SLC35F1: variants seen among roughly 807,000 people sequenced by gnomAD.
The protein encoded by SLC35F1 is solute carrier family 35 member F1.
SLC35F1 carries 14 observed loss-of-function variants against 48.7 expected under a neutral mutation model. That is an observed-to-expected ratio of 0.29 (90% CI 0.19 to 0.45). The LOEUF is 0.45. SLC35F1 is among the 20% of genes least tolerant of loss of function. The pLI is 1.00. For missense variants in SLC35F1, 404 were observed against 500.0 expected (o/e 0.81, Z 1.83); for synonymous variants, 190 against 202.2 (o/e 0.94, Z 0.51).
At chr6:118,212,234 A>G (rs1775009048) in intron 2 of SLC35F1, among the ~76,000 whole-genome samples, 1 of 152,234 alleles carries the variant, frequency 6.6e-6, no homozygotes, top group Non-Finnish European at 1.5e-5. Flanking sequence ...TGCATCTTGC[A>G]TCTTAAAAAG....
At chr6:118,269,034 CA>C (rs1775817640) in intron 4 of SLC35F1, among the ~76,000 whole-genome samples, 2 of 152,102 alleles carry the variant, frequency 1.3e-5, no homozygotes. Context: ...TCATCTTGGC[CA>C]TCATCTTGCA....
At chr6:117,933,872 T>G (rs1776132696) in intron 1 of SLC35F1, among the ~76,000 whole-genome samples, 1 of 152,066 alleles carries the variant, frequency 6.6e-6, no homozygotes, top group South Asian at 2.1e-4. Flanking sequence ...TAGAGCTCAG[T>G]GCTCACTGCT....
chr6:118,241,120 T>C (rs1484785162), intron 3 of SLC35F1, among the ~76,000 whole-genome samples: 3 of 152,198 alleles, frequency 2.0e-5, no homozygotes, highest in Non-Finnish European at 4.4e-5. Context: ...TAGAAGGTCT[T>C]CAATGCCAGA....
intron 1 of SLC35F1, among the ~76,000 whole-genome samples, chr6:118,129,737 T>C (rs757198838): frequency 6.6e-6 from 1 of 152,196 alleles, no homozygotes; most frequent in Non-Finnish European, 1.5e-5. Context: ...CCTTAATTTT[T>C]GATGATAAAT....
At chr6:118,111,152 CA>C (rs1009490894) in intron 1 of SLC35F1, among the ~76,000 whole-genome samples, 2 of 151,972 alleles carry the variant, frequency 1.3e-5, no homozygotes, top group African/African-American at 4.8e-5. Flanking sequence ...AAAAGAAAGA[CA>C]AAAAGTAAGA....
In SLC35F1 at chr6:117,999,337, AAAGGCC is replaced by A. The variant is rs903410246; in HGVS notation, c.173+91455_173+91460del. The A allele has an allele frequency of 1.3e-4, 209 of 1,595,026 alleles. 1 individual carries two copies. The East Asian group carries it at 2.9e-3, about 22-fold the overall frequency. ...CCAAGGGGCTCAGGCTGTGCCGGCCAAAGGCCAAGGCCAAGGCCAAGGATCAAACCA... is the reference window on the plus strand; with the variant it reads ...CCAAGGGGCTCAGGCTGTGCCGGCCAAAGGCCAAGGCCAAGGATCAAACCA... On this transcript the variant is annotated intron_variant, in intron 1 of 7. Coordinates refer to ENST00000360388, the MANE Select transcript of SLC35F1 (RefSeq NM_001029858.4).
Position 118,232,826 on chromosome 6 carries a change from C to T in SLC35F1, c.350-2683C>T, listed in dbSNP as rs188053492. Among the ~76,000 whole-genome samples, 136 of 152,164 alleles carry T rather than the reference C, an allele frequency of 8.9e-4. 1 individual carries two copies. The highest frequency in any genetic ancestry group is 2.9e-3 in the African/African-American group (122 of 41,524). On this transcript the variant is annotated intron_variant, in intron 2 of 7. Coordinates refer to ENST00000360388, the MANE Select transcript of SLC35F1 (RefSeq NM_001029858.4). Reference sequence around the variant, plus strand: ...TTGTATCTCTTTGGGATTCTTAGCTCGAGTCACCATGAGAATGGCCATTGA... The same window carrying T: ...TTGTATCTCTTTGGGATTCTTAGCTTGAGTCACCATGAGAATGGCCATTGA...
intron 1 of SLC35F1, among the ~76,000 whole-genome samples, chr6:118,144,204 T>A (rs1773935329): frequency 6.6e-6 from 1 of 152,114 alleles, no homozygotes; most frequent in African/African-American, 2.4e-5. Flanking sequence ...CCATCAATGA[T>A]AGACTGGATA....
chr6:117,922,160 G>A (rs193286150), intron 1 of SLC35F1, among the ~76,000 whole-genome samples: 19 of 152,296 alleles, frequency 1.2e-4, no homozygotes, highest in African/African-American at 3.9e-4. Context: ...AAGAGTGGTT[G>A]GAGGAGATAA....
intron 2 of SLC35F1, among the ~76,000 whole-genome samples, chr6:118,173,439 C>T (rs560368601): frequency 6.6e-6 from 1 of 151,124 alleles, no homozygotes; most frequent in African/African-American, 2.5e-5. Flanking sequence ...GTTTTAATGG[C>T]CACATATGGA....
chr6:118,018,072 C>T (rs1777346007), intron 1 of SLC35F1, among the ~76,000 whole-genome samples: 1 of 152,114 alleles, frequency 6.6e-6, no homozygotes, highest in Non-Finnish European at 1.5e-5. Flanking sequence ...TCTCTTACCA[C>T]TTAAAAATGG....
chr6:118,208,092 C>T (rs897954795), intron 2 of SLC35F1, among the ~76,000 whole-genome samples: 1 of 149,396 alleles, frequency 6.7e-6, no homozygotes, highest in African/African-American at 2.5e-5. Context: ...CACATACACA[C>T]ACATGCACGC....
intron 1 of SLC35F1, among the ~76,000 whole-genome samples, chr6:118,008,557 A>AGACGGTCCATGGGCCT (rs1777205010): frequency 6.6e-6 from 1 of 152,250 alleles, no homozygotes; most frequent in African/African-American, 2.4e-5. Flanking sequence ...ATATTGGGCT[A>AGACGGTCCATGGGCCT]GACGGTCCAT....
chr6:118,302,068 GC>G (rs1161420596), intron 7 of SLC35F1, among the ~76,000 whole-genome samples: 1 of 151,820 alleles, frequency 6.6e-6, no homozygotes, highest in East Asian at 1.9e-4. Flanking sequence ...TGAAGTGTCT[GC>G]CCCCTATTTG....
chr6:117,911,400 CCCCTCCCTCCCTCCCT>C (rs550006759), intron 1 of SLC35F1, among the ~76,000 whole-genome samples: 10,708 of 117,232 alleles, frequency 0.091, 1,045 homozygotes, highest in African/African-American at 0.28. Flanking sequence ...CCCCTCCCCT[CCCCTCCCTCCCTCCCT>C]CCCTCCCTCC....
intron 7 of SLC35F1, among the ~76,000 whole-genome samples, chr6:118,303,744 TTTCTTAGAATA>T (rs2114663154): frequency 6.6e-6 from 1 of 152,358 alleles, no homozygotes; most frequent in East Asian, 1.9e-4. Flanking sequence ...TGAATATTGT[TTTCTTAGAATA>T]AGAGAGAGCA....
intron 3 of SLC35F1, among the ~76,000 whole-genome samples, chr6:118,255,086 A>G (rs1775625562): frequency 6.6e-6 from 1 of 152,138 alleles, no homozygotes; most frequent in African/African-American, 2.4e-5. Flanking sequence ...GATTGATTTG[A>G]GGCTAATCCA....
intron 1 of SLC35F1, among the ~76,000 whole-genome samples, chr6:117,962,509 T>A (rs1158998806): frequency 2.6e-5 from 4 of 152,142 alleles, no homozygotes; most frequent in African/African-American, 9.7e-5. Context: ...TTTGATTCCG[T>A]CTTCTTTGAT....
At chr6:118,236,068 A>G (rs547941301) in intron 3 of SLC35F1, among the ~76,000 whole-genome samples, 1 of 152,366 alleles carries the variant, frequency 6.6e-6, no homozygotes, top group Non-Finnish European at 1.5e-5. Context: ...CTTTGATTAA[A>G]TAATCAAACT....
Sources: gnomAD v4.1 joint callset for allele counts (sites outside exome capture counted in the v4.1 genomes callset) on GRCh38, gnomAD v4.1.1 for gene constraint, MANE v1.5 for transcripts, NCBI Gene and HGNC (gene_info 2026-07-23, HGNC 2026-07-21) for gene names.